The following PRKCE variants were observed in gnomAD, a reference collection of about 807,000 sequenced individuals.
PRKCE encodes the protein protein kinase C epsilon.
Under a neutral mutation model 85.4 loss-of-function variants are expected in PRKCE, and 16 were observed. The ratio of observed to expected loss-of-function variants is 0.19; its 90% CI spans 0.13 to 0.28. The LOEUF (loss-of-function observed/expected upper bound fraction) is 0.28. PRKCE is among the 10% of genes least tolerant of loss of function. The pLI is 1.00. For missense variants in PRKCE, 573 were observed against 975.2 expected (o/e 0.59, Z 5.49); for synonymous variants, 388 against 371.5 (o/e 1.04, Z -0.51).
At chr2:45,869,900 G>T (rs1345718431) in intron 2 of PRKCE, among the ~76,000 whole-genome samples, 1 of 151,910 alleles carries the variant, frequency 6.6e-6, no homozygotes, top group Non-Finnish European at 1.5e-5. Context: ...TAGAGACGGG[G>T]TTTCACCATA....
At chr2:45,871,995 A>G (rs765145751) in intron 2 of PRKCE, among the ~76,000 whole-genome samples, 2 of 152,202 alleles carry the variant, frequency 1.3e-5, no homozygotes, top group South Asian at 2.1e-4. Flanking sequence ...GCCAGGCACC[A>G]TGGGAGGCAC....
chr2:45,753,516 A>T (rs1683755720), intron 1 of PRKCE, among the ~76,000 whole-genome samples: 1 of 152,056 alleles, frequency 6.6e-6, no homozygotes, highest in African/African-American at 2.4e-5. Context: ...CATAATTATG[A>T]CCATTCATTA....
At chr2:46,116,597 G>C (rs1202309632) in intron 11 of PRKCE, among the ~76,000 whole-genome samples, 1 of 152,138 alleles carries the variant, frequency 6.6e-6, no homozygotes, top group African/African-American at 2.4e-5. Context: ...TGGGTCCTTG[G>C]ATTGATGGGA....
At chr2:45,792,571 G>A (rs1213524946) in intron 1 of PRKCE, among the ~76,000 whole-genome samples, 1 of 152,090 alleles carries the variant, frequency 6.6e-6, no homozygotes, top group Non-Finnish European at 1.5e-5. Context: ...GCCGAGGGTG[G>A]CTTCTGCTGC....
At chr2:46,088,369 T>C (rs1669848509) in intron 11 of PRKCE, among the ~76,000 whole-genome samples, 1 of 152,196 alleles carries the variant, frequency 6.6e-6, no homozygotes. Flanking sequence ...TAGCACTGCC[T>C]GCCTGGCCCC....
intron 1 of PRKCE, among the ~76,000 whole-genome samples, chr2:45,813,761 C>T (rs146431297): frequency 0.012 from 1,897 of 152,256 alleles, 22 homozygotes; most frequent in Middle Eastern, 0.031. Flanking sequence ...TGTGAATTCT[C>T]CTCTGTGAAA....
At chr2:45,680,957 G>C (rs950137281) in intron 1 of PRKCE, among the ~76,000 whole-genome samples, 5 of 152,184 alleles carry the variant, frequency 3.3e-5, no homozygotes, top group African/African-American at 1.2e-4. Context: ...TAAAACTCTA[G>C]TAACTTATGT....
intron 1 of PRKCE, among the ~76,000 whole-genome samples, chr2:45,731,242 G>C (rs1681546203): frequency 6.6e-6 from 1 of 152,210 alleles, no homozygotes; most frequent in African/African-American, 2.4e-5. Flanking sequence ...GTTATGCACA[G>C]TTTTTGCCTA....
chr2:45,904,965 GA>G (rs1483154892), intron 2 of PRKCE, among the ~76,000 whole-genome samples: 1 of 152,228 alleles, frequency 6.6e-6, no homozygotes, highest in African/African-American at 2.4e-5. Flanking sequence ...GTGGACCATG[GA>G]GAGCTGGTAG....
At chr2:46,123,209 C>G (rs1444342288) in intron 11 of PRKCE, among the ~76,000 whole-genome samples, 4 of 68,244 alleles carry the variant, frequency 5.9e-5, no homozygotes, top group African/African-American at 2.5e-4. Context: ...AAGGAAAACA[C>G]TTGCCTTTTT....
chr2:46,019,456 A>C (rs193065712), intron 10 of PRKCE, among the ~76,000 whole-genome samples: 5 of 152,326 alleles, frequency 3.3e-5, no homozygotes, highest in African/African-American at 1.2e-4. Context: ...GAACTGCAGC[A>C]AGTGGGTAAA....
chr2:46,160,402 A>G (rs1677640286), intron 14 of PRKCE, among the ~76,000 whole-genome samples: 1 of 152,194 alleles, frequency 6.6e-6, no homozygotes, highest in Non-Finnish European at 1.5e-5. Flanking sequence ...GGCTCGACTC[A>G]CAAAATAAAG....
At chr2:46,116,312 A>C (rs533080663) in intron 11 of PRKCE, among the ~76,000 whole-genome samples, 1 of 152,372 alleles carries the variant, frequency 6.6e-6, no homozygotes, top group East Asian at 1.9e-4. Context: ...CCCAGGAAAC[A>C]GTGTGCACAG....
chr2:45,673,377 A>G (rs564398978), intron 1 of PRKCE, among the ~76,000 whole-genome samples: 6 of 152,314 alleles, frequency 3.9e-5, no homozygotes, highest in African/African-American at 1.4e-4. Flanking sequence ...ACTTTTTTTT[A>G]CAGCCTTCGA....
intron 2 of PRKCE, among the ~76,000 whole-genome samples, chr2:45,912,216 A>G (rs548429679): frequency 1.3e-5 from 2 of 152,110 alleles, no homozygotes; most frequent in Non-Finnish European, 2.9e-5. Flanking sequence ...CAACACTCTG[A>G]AGATAGGCAG....
At chr2:45,902,074 C>A (rs934123374) in intron 2 of PRKCE, among the ~76,000 whole-genome samples, 1 of 152,184 alleles carries the variant, frequency 6.6e-6, no homozygotes, top group Admixed American at 6.5e-5. Context: ...GAAATTATTT[C>A]ACCCTCATAA....
At chr2:46,003,557 C>T (rs61758275) in intron 7 of PRKCE, among the ~76,000 whole-genome samples, 7,195 of 152,212 alleles carry the variant, frequency 0.047, 237 homozygotes, top group Middle Eastern at 0.092. Flanking sequence ...CTTTAAGTAT[C>T]CTATAGTCTA....
chr2:45,725,954 T>C (rs1179536318), intron 1 of PRKCE, among the ~76,000 whole-genome samples: 4 of 152,144 alleles, frequency 2.6e-5, no homozygotes, highest in South Asian at 4.1e-4. Flanking sequence ...GTGGATGACT[T>C]TGTGGGTTTC....
At chr2:46,183,750 G>T (rs1444393900) in intron 14 of PRKCE, among the ~76,000 whole-genome samples, 1 of 152,132 alleles carries the variant, frequency 6.6e-6, no homozygotes, top group African/African-American at 2.4e-5. Context: ...TACCAGTACA[G>T]TTGTCACCCA....
Sources: allele counts gnomAD v4.1 joint callset (sites outside exome capture counted in the v4.1 genomes callset), GRCh38; gene constraint gnomAD v4.1.1; transcripts MANE v1.5; gene names NCBI Gene and HGNC (gene_info 2026-07-23, HGNC 2026-07-21).